ZFHX3: variants seen among roughly 807,000 people sequenced by gnomAD.
ZFHX3 encodes the protein zinc finger homeobox 3.
In ZFHX3, 42 loss-of-function variants were observed where a neutral mutation model predicts 279.1. That is an observed-to-expected ratio of 0.15 (90% CI 0.12 to 0.19). The LOEUF is 0.19. ZFHX3 is among the 10% of genes least tolerant of loss of function. ZFHX3 has a pLI of 1.00. For missense variants in ZFHX3, 4,981 were observed against 4,754.0 expected (o/e 1.05, Z -1.40); for synonymous variants, 2,293 against 1,957.8 (o/e 1.17, Z -4.52).
intron 1 of ZFHX3, among the ~76,000 whole-genome samples, chr16:73,028,115 C>T (rs979422453): frequency 6.6e-6 from 1 of 152,112 alleles, no homozygotes; most frequent in African/African-American, 2.4e-5. Flanking sequence ...CTCCGGGACC[C>T]TGCGGCTTCT....
chr16:73,810,287 G>A (rs1960392533), intron 1 of ZFHX3, among the ~76,000 whole-genome samples: 1 of 152,088 alleles, frequency 6.6e-6, no homozygotes, highest in African/African-American at 2.4e-5. Flanking sequence ...ATTGGATTGT[G>A]GATTAATCTT....
At chr16:73,384,129 G>C (rs1246839361) in intron 3 of ZFHX3, among the ~76,000 whole-genome samples, 1 of 152,238 alleles carries the variant, frequency 6.6e-6, no homozygotes, top group Admixed American at 6.5e-5. Flanking sequence ...GATGTCAGAT[G>C]CTCTTGGCCA....
chr16:73,040,348 G>A (rs1277793595), intron 1 of ZFHX3, among the ~76,000 whole-genome samples: 4 of 152,134 alleles, frequency 2.6e-5, no homozygotes, highest in Non-Finnish European at 5.9e-5. Flanking sequence ...CCGAGCAGGA[G>A]GGGGTAGAGG....
intron 3 of ZFHX3, among the ~76,000 whole-genome samples, chr16:73,364,224 A>G (rs1567461677): frequency 6.6e-6 from 1 of 151,728 alleles, no homozygotes; most frequent in Non-Finnish European, 1.5e-5. Flanking sequence ...TCATGGGTAC[A>G]TATAACCATA....
intron 2 of ZFHX3, among the ~76,000 whole-genome samples, chr16:73,673,471 C>A (rs1460008419): frequency 6.6e-6 from 1 of 152,132 alleles, no homozygotes; most frequent in South Asian, 2.1e-4. Context: ...ACCTCATTCT[C>A]TTCCCCCTCC....
At chr16:73,428,532 C>T (rs1232367224) in intron 3 of ZFHX3, among the ~76,000 whole-genome samples, 1 of 152,176 alleles carries the variant, frequency 6.6e-6, no homozygotes, top group African/African-American at 2.4e-5. Flanking sequence ...CCAGCGAGGA[C>T]AGCCTGGGTC....
At chr16:73,383,218 C>A (rs567613403) in intron 3 of ZFHX3, among the ~76,000 whole-genome samples, 1 of 152,178 alleles carries the variant, frequency 6.6e-6, no homozygotes, top group African/African-American at 2.4e-5. Flanking sequence ...AACGAAGTAA[C>A]GACTTGCTTC....
At chr16:73,230,898 G>C (rs2012751661) in intron 5 of ZFHX3, among the ~76,000 whole-genome samples, 1 of 152,126 alleles carries the variant, frequency 6.6e-6, no homozygotes, top group Non-Finnish European at 1.5e-5. Flanking sequence ...ACAGGAGGGC[G>C]GGGGGAGCTG....
At chr16:73,292,889 G>A (rs2014809782) in intron 4 of ZFHX3, among the ~76,000 whole-genome samples, 1 of 152,204 alleles carries the variant, frequency 6.6e-6, no homozygotes, top group African/African-American at 2.4e-5. Flanking sequence ...TTTCTGGTAT[G>A]TTCCATAGGG....
At chr16:73,132,459 T>C (rs1347075688) in intron 6 of ZFHX3, among the ~76,000 whole-genome samples, 1 of 152,142 alleles carries the variant, frequency 6.6e-6, no homozygotes, top group Non-Finnish European at 1.5e-5. Flanking sequence ...GGTATTATGA[T>C]AGCAGGTTTC....
At chr16:73,574,955 C>T (rs1288954197) in intron 2 of ZFHX3, among the ~76,000 whole-genome samples, 1 of 152,214 alleles carries the variant, frequency 6.6e-6, no homozygotes, top group African/African-American at 2.4e-5. Flanking sequence ...TCAGCACTCT[C>T]CTTTGTTCCA....
At chr16:73,144,942 T>C (rs920350622) in intron 5 of ZFHX3, among the ~76,000 whole-genome samples, 1 of 152,246 alleles carries the variant, frequency 6.6e-6, no homozygotes, top group Non-Finnish European at 1.5e-5. Context: ...GTAAAGTACA[T>C]TGCAATCTAA....
intron 3 of ZFHX3, among the ~76,000 whole-genome samples, chr16:72,945,629 G>C (rs1960627265): frequency 6.6e-6 from 1 of 152,102 alleles, no homozygotes; most frequent in Non-Finnish European, 1.5e-5. Flanking sequence ...AAGGCATCAA[G>C]GTAGGGAGAG....
At chr16:73,610,003 GT>G (rs1389086351) in intron 2 of ZFHX3, 1 of 152,140 alleles carries the variant, frequency 6.6e-6, no homozygotes, top group Non-Finnish European at 1.5e-5. Context: ...GCTCCTGGCT[GT>G]TACTGATTCT....
intron 1 of ZFHX3, among the ~76,000 whole-genome samples, chr16:73,023,619 C>G (rs914272675): frequency 2.0e-5 from 3 of 152,222 alleles, no homozygotes; most frequent in African/African-American, 7.2e-5. Context: ...CGGAAGACCC[C>G]TAATGCATCC....
chr16:73,552,572 C>T (rs749356552), intron 2 of ZFHX3, among the ~76,000 whole-genome samples: 2 of 152,178 alleles, frequency 1.3e-5, no homozygotes, highest in Non-Finnish European at 2.9e-5. Flanking sequence ...CTCACCACCA[C>T]TAGCATTCCA....
At chr16:73,255,297 T>C (rs1340100892) in intron 5 of ZFHX3, among the ~76,000 whole-genome samples, 1 of 152,198 alleles carries the variant, frequency 6.6e-6, no homozygotes, top group Non-Finnish European at 1.5e-5. Context: ...ATTTGAGACA[T>C]TAAATCCAAG....
At chr16:73,860,296 G>T (rs1961846777) in intron 1 of ZFHX3, among the ~76,000 whole-genome samples, 1 of 152,036 alleles carries the variant, frequency 6.6e-6, no homozygotes, top group African/African-American at 2.4e-5. Flanking sequence ...CGGAATCACT[G>T]GCCTTTTGAA....
At chr16:73,699,086 C>T (rs12930053) in intron 1 of ZFHX3, among the ~76,000 whole-genome samples, 127,588 of 152,150 alleles carry the variant, frequency 0.84, 53,560 homozygotes, top group African/African-American at 0.88. Flanking sequence ...GGTTTCACCA[C>T]GTTGACCAGG....
Sources: allele counts gnomAD v4.1 joint callset (sites outside exome capture counted in the v4.1 genomes callset), GRCh38; gene constraint gnomAD v4.1.1; transcripts MANE v1.5; gene names NCBI Gene and HGNC (gene_info 2026-07-23, HGNC 2026-07-21).